The following DPP10 variants were observed in gnomAD, a reference collection of about 807,000 sequenced individuals.
DPP10 encodes the protein inactive dipeptidyl peptidase 10.
A neutral mutation model predicts 120.9 loss-of-function variants in DPP10; 33 were observed. The ratio of observed to expected loss-of-function variants is 0.27; its 90% CI spans 0.21 to 0.37. DPP10 has a LOEUF of 0.37. Among genes scored for constraint, DPP10 ranks in the 10% least tolerant of loss-of-function variants. The pLI, the probability that DPP10 is intolerant of heterozygous loss-of-function variation, is 1.00. For missense variants in DPP10, 816 were observed against 942.8 expected, an observed-to-expected ratio of 0.87 and a Z score of 1.76; for synonymous variants, 337 against 326.1, an observed-to-expected ratio of 1.03 and a Z score of -0.36.
chr2:114,780,343 G>T (rs79361854), intron 1 of DPP10, among the ~76,000 whole-genome samples: 3,679 of 152,140 alleles, frequency 0.024, 167 homozygotes, highest in African/African-American at 0.084. Context: ...TTTTTCTCAT[G>T]AAATATCCTT....
intron 10 of DPP10, among the ~76,000 whole-genome samples, chr2:115,751,604 T>C (rs1312213677): frequency 6.6e-6 from 1 of 152,182 alleles, no homozygotes; most frequent in African/African-American, 2.4e-5. Flanking sequence ...ACTGACATCT[T>C]CACTTTGATA....
chr2:114,679,660 G>A (rs1458478602), intron 1 of DPP10, among the ~76,000 whole-genome samples: 1 of 151,876 alleles, frequency 6.6e-6, no homozygotes, highest in East Asian at 1.9e-4. Context: ...TTGATAATTA[G>A]AACTACAAGA....
intron 1 of DPP10, among the ~76,000 whole-genome samples, chr2:114,552,283 G>T (rs1276480820): frequency 6.6e-6 from 1 of 152,152 alleles, no homozygotes; most frequent in Non-Finnish European, 1.5e-5. Context: ...TTAATACGAT[G>T]CTAAGGGGTT....
At chr2:114,540,098 C>T (rs1425785950) in intron 1 of DPP10, among the ~76,000 whole-genome samples, 1 of 152,182 alleles carries the variant, frequency 6.6e-6, no homozygotes, top group African/African-American at 2.4e-5. Context: ...TTTTCAAAGA[C>T]AGATACCACC....
intron 1 of DPP10, among the ~76,000 whole-genome samples, chr2:115,226,595 C>G (rs1178529181): frequency 2.6e-5 from 4 of 152,142 alleles, no homozygotes; most frequent in Non-Finnish European, 5.9e-5. Context: ...CATATTGTGT[C>G]AGGTAATCTT....
chr2:114,874,150 C>T (rs10190446), intron 1 of DPP10, among the ~76,000 whole-genome samples: 1,721 of 152,228 alleles, frequency 0.011, 34 homozygotes, highest in African/African-American at 0.04. Context: ...TGTGCATGAT[C>T]ACCTAATTCA....
chr2:114,500,226 T>C (rs980655491), intron 1 of DPP10, among the ~76,000 whole-genome samples: 6 of 152,222 alleles, frequency 3.9e-5, no homozygotes, highest in Admixed American at 3.9e-4. Flanking sequence ...ATTGATTCCA[T>C]TGACTAAATT....
intron 4 of DPP10, among the ~76,000 whole-genome samples, chr2:115,515,443 A>C (rs1026451511): frequency 6.6e-6 from 1 of 152,024 alleles, no homozygotes; most frequent in African/African-American, 2.4e-5. Flanking sequence ...ACAATGATTT[A>C]ATTATGAGAG....
At chr2:115,674,713 A>G (rs1203324516) in intron 5 of DPP10, among the ~76,000 whole-genome samples, 1 of 152,220 alleles carries the variant, frequency 6.6e-6, no homozygotes, top group East Asian at 1.9e-4. Flanking sequence ...AGTGATTGAA[A>G]TTGAAAGTCA....
intron 1 of DPP10, among the ~76,000 whole-genome samples, chr2:114,537,994 G>A (rs998074585): frequency 6.6e-5 from 10 of 152,160 alleles, no homozygotes; most frequent in African/African-American, 2.4e-4. Context: ...AGGCCAACTG[G>A]GAAATCCCTT....
intron 1 of DPP10, among the ~76,000 whole-genome samples, chr2:114,697,061 G>A (rs1162248666): frequency 6.6e-6 from 1 of 152,036 alleles, no homozygotes; most frequent in Non-Finnish European, 1.5e-5. Context: ...AAGGTACTCA[G>A]TATAGCACTA....
chr2:114,605,801 G>C (rs1692738255), intron 1 of DPP10, among the ~76,000 whole-genome samples: 1 of 152,116 alleles, frequency 6.6e-6, no homozygotes, highest in Admixed American at 6.6e-5. Flanking sequence ...GAATAAAGTA[G>C]CAAGTAAGGA....
At chr2:114,511,001 G>A (rs561208317) in intron 1 of DPP10, among the ~76,000 whole-genome samples, 2 of 152,214 alleles carry the variant, frequency 1.3e-5, no homozygotes, top group African/African-American at 2.4e-5. Flanking sequence ...TATTACAGAC[G>A]CATTCAGGGA....
At chr2:114,738,386 A>T (rs1677675364) in intron 1 of DPP10, among the ~76,000 whole-genome samples, 1 of 152,132 alleles carries the variant, frequency 6.6e-6, no homozygotes, top group Admixed American at 6.5e-5. Context: ...TTTACCCATT[A>T]TTCCTTCTCT....
chr2:115,421,028 G>C (rs2069899889), intron 3 of DPP10, among the ~76,000 whole-genome samples: 1 of 151,806 alleles, frequency 6.6e-6, no homozygotes. Flanking sequence ...CAAACACAGG[G>C]CTGCTGCAGC....
intron 3 of DPP10, among the ~76,000 whole-genome samples, chr2:115,460,898 T>G (rs1396450403): frequency 6.6e-6 from 1 of 152,224 alleles, no homozygotes; most frequent in Non-Finnish European, 1.5e-5. Context: ...AGATTGATTG[T>G]TCCACATGAG....
chr2:115,315,194 T>TA (rs11399916), intron 2 of DPP10, among the ~76,000 whole-genome samples: 96,504 of 149,172 alleles, frequency 0.65, 32,544 homozygotes, highest in Admixed American at 0.74. Context: ...GACAACAGAT[T>TA]AAAAAAAAAA....
At chr2:115,815,388 A>T (rs1687113304) in intron 20 of DPP10, among the ~76,000 whole-genome samples, 1 of 152,214 alleles carries the variant, frequency 6.6e-6, no homozygotes, top group Non-Finnish European at 1.5e-5. Flanking sequence ...AATAGCACAC[A>T]GAAACCAGAT....
chr2:115,622,485 G>T (rs2085024606), intron 5 of DPP10, among the ~76,000 whole-genome samples: 1 of 142,742 alleles, frequency 7.0e-6, no homozygotes, highest in African/African-American at 2.6e-5. Flanking sequence ...CACGCAAAAG[G>T]TTTTTCAGTG....
Sources: gnomAD v4.1 joint callset for allele counts (sites outside exome capture counted in the v4.1 genomes callset) on GRCh38, gnomAD v4.1.1 for gene constraint, MANE v1.5 for transcripts, NCBI Gene and HGNC (gene_info 2026-07-23, HGNC 2026-07-21) for gene names.